PARP10: variants seen among roughly 807,000 people sequenced by gnomAD.
PARP10 encodes the protein poly(ADP-ribose) polymerase family member 10.
Under a neutral mutation model 82.4 loss-of-function variants are expected in PARP10, and 56 were observed. The observed-to-expected ratio is 0.68, with a 90% CI of 0.55 to 0.85. PARP10 has a LOEUF of 0.85. Ranked by LOEUF, PARP10 falls within the 40% of genes least tolerant of loss-of-function variation. PARP10 has a pLI of 0.00. For missense variants in PARP10, 1,227 were observed against 1,379.4 expected (o/e 0.89, Z 1.75); for synonymous variants, 576 against 601.1 (o/e 0.96, Z 0.61).
upstream of PARP10, chr8:143,992,404 C>T (rs377212535): frequency 2.3e-4 from 364 of 1,611,290 alleles, no homozygotes; most frequent in Non-Finnish European, 2.9e-4. Context: ...GGGCTGTGGC[C>T]GCAGGGGCTG....
intron 9 of PARP10, among the ~76,000 whole-genome samples, chr8:143,979,629 G>A (rs567809663): frequency 5.9e-5 from 9 of 152,258 alleles, no homozygotes; most frequent in South Asian, 4.2e-4. Flanking sequence ...TTTAAAAGTC[G>A]GCCGGGTGCA....
chr8:143,979,764 G>A (rs988116181), intron 9 of PARP10, among the ~76,000 whole-genome samples: 4 of 152,186 alleles, frequency 2.6e-5, no homozygotes, highest in African/African-American at 4.8e-5. Context: ...GGTGGCTCAC[G>A]CCTGTAATCC....
exon 1 of PARP10, chr8:144,012,595 TGGTGC>T: frequency 1.3e-6 from 2 of 1,551,680 alleles, no homozygotes; most frequent in East Asian, 4.9e-5. Context: ...CTGAAGAAGT[TGGTGC>T]GGCTCATTCG....
chr8:143,981,125 T>A (rs1295327823), intron 9 of PARP10, among the ~76,000 whole-genome samples: 1 of 151,756 alleles, frequency 6.6e-6, no homozygotes, highest in East Asian at 1.9e-4. Context: ...TTTAAAGTCA[T>A]CAAGGTGCTC....
intron 9 of PARP10, among the ~76,000 whole-genome samples, chr8:143,980,825 G>A (rs1176190608): frequency 1.3e-5 from 2 of 152,078 alleles, no homozygotes; most frequent in Non-Finnish European, 2.9e-5. Flanking sequence ...TCTTTCTATG[G>A]CTCAGTGGTA....
upstream of PARP10, chr8:143,992,503 G>C (rs1554750718): frequency 6.2e-7 from 1 of 1,614,146 alleles, no homozygotes; most frequent in Non-Finnish European, 8.5e-7. Context: ...GCGTGCTCCT[G>C]GTGAGCATGG....
chr8:143,978,009 C>G lies in PARP10; in HGVS notation c.2629G>C (p.Glu877Gln), dbSNP rs782213808. ...LYRERLLQRCERRPVEQVLYH... is the reference protein window; with the variant it reads ...LYRERLLQRCQRRPVEQVLYH... ...AGCACCTGCTCCACCGGGCGCCGCT[C>G]GCATCGCTGCAGCAGGCGCTCCCGG... The change falls in exon 10 of 11, where the codon GAG becomes CAG. Residue 877 changes from glutamate (E) to glutamine (Q), a missense_variant. Coordinates refer to ENST00000313028, the MANE Select transcript of PARP10 (RefSeq NM_032789.5). 4 of 1,588,028 alleles carry G rather than the reference C, an allele frequency of 2.5e-6. No individual in the cohort carries two copies. In the South Asian group the frequency reaches 4.5e-5, roughly 18 times the overall value.
chr8:143,995,510 G>A (rs56127523), upstream of PARP10, among the ~76,000 whole-genome samples: 62,257 of 151,994 alleles, frequency 0.41, 13,237 homozygotes, highest in African/African-American at 0.48. Context: ...CAGATGAATC[G>A]GCACGGGGTG....
At chr8:143,992,014 C>G (rs1834106869), upstream of PARP10, 5 of 1,613,848 alleles carry the variant, frequency 3.1e-6, no homozygotes, top group South Asian at 1.1e-5. Flanking sequence ...TTCTTCATCT[C>G]TCTCATCGTC....
At chr8:144,000,900 G>T (rs1834196925) in intron 1 of PARP10, among the ~76,000 whole-genome samples, 2 of 107,998 alleles carry the variant, frequency 1.9e-5, no homozygotes, top group Admixed American at 8.2e-5. Flanking sequence ...TAAATTCTTT[G>T]TGTGTGTGTT....
chr8:144,004,382 G>A (rs1476070470), intron 1 of PARP10, among the ~76,000 whole-genome samples: 1 of 152,144 alleles, frequency 6.6e-6, no homozygotes, highest in Non-Finnish European at 1.5e-5. Flanking sequence ...GACAGTTTTC[G>A]TTTTACAAAA....
upstream of PARP10, chr8:143,992,685 C>T (rs56261297): frequency 0.41 from 659,559 of 1,613,406 alleles, 139,301 homozygotes; most frequent in African/African-American, 0.6. Context: ...TGTGCTGTCA[C>T]CTCCAGTTCC....
At chr8:143,993,099 T>G, upstream of PARP10, 2 of 466,658 alleles carry the variant, frequency 4.3e-6, no homozygotes, top group Non-Finnish European at 3.9e-6. Flanking sequence ...ACCTCCTGTC[T>G]ACTCATTGTT....
chr8:143,991,557 A>G, upstream of PARP10: 1 of 1,508,922 alleles, frequency 6.6e-7, no homozygotes, highest in South Asian at 1.1e-5. Context: ...CTTCCCCCCC[A>G]ACCCCTATGG....
At chr8:144,002,775 A>C (rs1311278534) in intron 1 of PARP10, among the ~76,000 whole-genome samples, 1 of 152,176 alleles carries the variant, frequency 6.6e-6, no homozygotes, top group Non-Finnish European at 1.5e-5. Flanking sequence ...ACACTATTCA[A>C]ATTAAGAATT....
At chr8:143,999,328 A>G (rs981077634) in intron 1 of PARP10, among the ~76,000 whole-genome samples, 8 of 151,804 alleles carry the variant, frequency 5.3e-5, no homozygotes, top group African/African-American at 1.9e-4. Context: ...TCAGCTTCCC[A>G]AGTAGCTGGG....
At position 143,977,864 on chromosome 8, in the gene PARP10, C is replaced by T. The variant is rs1587444329; in HGVS notation, c.2732-34G>A. 5 of 1,597,786 alleles carry T rather than the reference C, an allele frequency of 3.1e-6. No individual in the cohort carries two copies. The East Asian group carries it at 1.1e-4, about 36-fold the overall frequency. Reference sequence around the variant, plus strand: ...CGAGACGGGGCAAGGTCAGGGTGGTCGGGGTGCGCAGAGCCCCCGCCCCTG... The same window carrying T: ...CGAGACGGGGCAAGGTCAGGGTGGTTGGGGTGCGCAGAGCCCCCGCCCCTG... On this transcript the variant is annotated intron_variant, in intron 10 of 10. Coordinates refer to ENST00000313028, the MANE Select transcript of PARP10 (RefSeq NM_032789.5).
At chr8:143,992,629 G>T (rs1554750747), upstream of PARP10, 1 of 1,614,036 alleles carries the variant, frequency 6.2e-7, no homozygotes, top group Admixed American at 1.7e-5. Context: ...GGTGACCTTG[G>T]CCGGGGGCGG....
At chr8:143,992,046 C>A, upstream of PARP10, 1 of 1,613,938 alleles carries the variant, frequency 6.2e-7, no homozygotes, top group South Asian at 1.1e-5. Flanking sequence ...TGGGGACTTC[C>A]GGCGAAAGCA....
Sources: allele counts gnomAD v4.1 joint callset (sites outside exome capture counted in the v4.1 genomes callset), GRCh38; gene constraint gnomAD v4.1.1; transcripts MANE v1.5; gene names NCBI Gene and HGNC (gene_info 2026-07-23, HGNC 2026-07-21).